Variants in ZFYVE26 observed in about 807,000 individuals in gnomAD.
ZFYVE26 encodes the protein zinc finger FYVE-type containing 26, also known as zinc finger FYVE domain-containing protein 26.
ZFYVE26 carries 181 observed loss-of-function variants against 276.5 expected under a neutral mutation model. The ratio of observed to expected loss-of-function variants is 0.65; its 90% CI spans 0.58 to 0.74. ZFYVE26 has a LOEUF of 0.74. Among genes scored for constraint, ZFYVE26 ranks in the 30% least tolerant of loss-of-function variants. ZFYVE26 has a pLI of 0.00. For missense variants in ZFYVE26, 2,821 were observed against 3,097.9 expected, an observed-to-expected ratio of 0.91 and a Z score of 2.12; for synonymous variants, 1,129 against 1,203.1, an observed-to-expected ratio of 0.94 and a Z score of 1.27.
At chr14:67,744,701 A>T (rs2038460636), downstream of ZFYVE26, among the ~76,000 whole-genome samples, 4 of 152,174 alleles carry the variant, frequency 2.6e-5, no homozygotes, top group South Asian at 8.3e-4. Context: ...GCTGAGAATG[A>T]TGGCTTCCAG....
intron 27 of ZFYVE26, among the ~76,000 whole-genome samples, chr14:67,774,523 T>C (rs1422286541): frequency 6.7e-6 from 1 of 149,790 alleles, no homozygotes; most frequent in African/African-American, 2.4e-5. Context: ...GACCAGAAGA[T>C]GGGGATGGTA....
In ZFYVE26 at chr14:67,785,806, T is replaced by C; in HGVS notation, c.3304+52A>G. 15 of 1,612,526 alleles carry C rather than the reference T, an allele frequency of 9.3e-6. No individual in the cohort carries two copies. In the South Asian group the frequency reaches 1.6e-4, roughly 18 times the overall value. On this transcript the variant is annotated intron_variant, in intron 18 of 41. Transcript: ENST00000347230. ...CAAAGTGCTTCGTTACTCTCAGCTG[T>C]TTCCTCTCCCCAGTTCAGCTTTTAT...
At chr14:67,781,930 A>C (rs1009861871) in intron 21 of ZFYVE26, among the ~76,000 whole-genome samples, 8 of 152,230 alleles carry the variant, frequency 5.3e-5, no homozygotes, top group African/African-American at 1.9e-4. Flanking sequence ...TGTGCCATAC[A>C]TAACCACTTG....
At chr14:67,782,647 G>C in intron 21 of ZFYVE26, 133 bp downstream of exon 21, 1 of 1,442,530 alleles carries the variant, frequency 6.9e-7, no homozygotes, top group Admixed American at 1.7e-5. Flanking sequence ...CTGAGACCTG[G>C]TCTCCTCTTA....
intron 6 of ZFYVE26, among the ~76,000 whole-genome samples, chr14:67,806,267 C>T (rs948911359): frequency 6.6e-6 from 1 of 152,240 alleles, no homozygotes; most frequent in Non-Finnish European, 1.5e-5. Context: ...ATTGTTGCCA[C>T]TGCCTTTTCT....
At chr14:67,799,352 A>G in intron 10 of ZFYVE26, 5 of 1,610,384 alleles carry the variant, frequency 3.1e-6, no homozygotes, top group Non-Finnish European at 4.2e-6. Context: ...GCAATCCTAT[A>G]AGGCCTTTGT....
At chr14:67,803,202 A>G (rs1267287085) in intron 9 of ZFYVE26, among the ~76,000 whole-genome samples, 1 of 152,166 alleles carries the variant, frequency 6.6e-6, no homozygotes, top group Non-Finnish European at 1.5e-5. Context: ...AAACAAACAA[A>G]TGAACAAAAA....
At position 67,767,825 on chromosome 14, in the gene ZFYVE26, T is replaced by TTGGAGCTGTC; in HGVS notation, c.5659_5668dup (p.Lys1890ArgfsTer6). 6.2e-7 allele frequency: 1 copy of TTGGAGCTGTC among 1,614,202 alleles called. No individual in the cohort carries two copies. Among genetic ancestry groups the TTGGAGCTGTC allele is most frequent in the Non-Finnish European group, 8.5e-7 (1 of 1,180,030 alleles). On this transcript the variant is annotated frameshift_variant, in exon 31 of 42. Transcript: ENST00000347230. LOFTEE classifies it high-confidence loss of function. ...AAACGAGTATGGAGGGCTTTCATTCTTGGAGCTGTCTAGAGCTGAGAAGAG... is the reference window on the plus strand; with the variant it reads ...AAACGAGTATGGAGGGCTTTCATTCTTGGAGCTGTCTGGAGCTGTCTAGAGCTGAGAAGAG...
At position 67,772,141 on chromosome 14, in the gene ZFYVE26, A is replaced by G. The variant is rs1232415144; in HGVS notation, c.5390T>C (p.Phe1797Ser). The change falls in exon 28 of 42, where the codon TTT becomes TCT. Residue 1797 changes from phenylalanine (F) to serine (S), a missense_variant. By Grantham distance (155) the Phe-to-Ser change is radical. Coordinates refer to ENST00000347230, the MANE Select transcript of ZFYVE26 (RefSeq NM_015346.4). ...GGCAGGGGGTGTCGCTGGGGGCACA[A>G]ATTCCTGTGAGGGCTGGGTTGGTGG... Reference protein sequence around the residue: ...SFPPTQPSQEFVPPATPPARH... With the variant: ...SFPPTQPSQESVPPATPPARH... 1.5e-5 allele frequency: 25 copies of G among 1,613,124 alleles called. No homozygotes were observed. The highest frequency in any genetic ancestry group is 1.9e-5 in the Non-Finnish European group (23 of 1,179,836).
intron 37 of ZFYVE26, 75 bp from the exon 38 acceptor site, chr14:67,754,287 G>A (rs1487697636): frequency 8.3e-6 from 13 of 1,573,414 alleles, no homozygotes; most frequent in African/African-American, 2.7e-5. Flanking sequence ...CTGAGAAGTC[G>A]AATAATATGG....
Position 67,767,784 on chromosome 14 carries a change from T to C in ZFYVE26, c.5710A>G (p.Lys1904Glu). The C allele has an allele frequency of 1.2e-6, 2 of 1,614,192 alleles. No homozygotes were observed. The highest frequency in any genetic ancestry group is 8.5e-7 in the Non-Finnish European group (1 of 1,180,048). The change falls in exon 31 of 42, where the codon AAA becomes GAA. Residue 1904 changes from lysine to glutamate, a missense_variant. Lys to Glu is a moderately conservative substitution (Grantham distance 56). Coordinates refer to ENST00000347230, the MANE Select transcript of ZFYVE26 (RefSeq NM_015346.4). ...PPYSFVVRVPKADEVEWILDL... is the reference protein window; with the variant it reads ...PPYSFVVRVPEADEVEWILDL... ...AAAATCCATTCCACCTCATCTGCTT[T>C]GGGGACTCTCACCACAAACGAGTAT...
intron 2 of ZFYVE26, among the ~76,000 whole-genome samples, chr14:67,815,359 A>G (rs2040379695): frequency 6.6e-6 from 1 of 152,214 alleles, no homozygotes; most frequent in Non-Finnish European, 1.5e-5. Context: ...TTATTTTTGC[A>G]GCTTCTTGTG....
At chr14:67,777,418 G>T (rs865898245) in intron 25 of ZFYVE26, 141 bp downstream of exon 25, 3 of 1,351,750 alleles carry the variant, frequency 2.2e-6, no homozygotes, top group East Asian at 4.8e-5. Flanking sequence ...CAGGTGCCTG[G>T]CAAAAGAGCC....
chr14:67,794,261 G>C (rs771322831), intron 12 of ZFYVE26, 22 bp from the exon 13 acceptor site: 2 of 1,611,656 alleles, frequency 1.2e-6, no homozygotes, highest in Non-Finnish European at 1.7e-6. Flanking sequence ...GGGAAGAAGA[G>C]AGAAAGTCAA....
rs950302468 is a variant in ZFYVE26 at position 67,747,472 on chromosome 14, G to A, written c.*964C>T. 3.3e-5 allele frequency: 5 copies of A among 152,314 alleles called. No individual in the cohort carries two copies. The highest frequency in any genetic ancestry group is 1.2e-4 in the African/African-American group (5 of 41,560). 9.4% of individuals were successfully genotyped at this position (152,314 alleles called of 1,614,324 possible). A position where few individuals can be genotyped will look rare whatever the true frequency, so the allele number is the denominator to read the frequency against. On this transcript the variant is annotated 3_prime_UTR_variant, in exon 42 of 42. Transcript: ENST00000347230. ...GGAAGCAGCTTCCTAACCAATTCAA[G>A]GAGCGCAAACAGGACTGCAGCTCAA...
At chr14:67,815,681 G>A in intron 2 of ZFYVE26, 89 bp downstream of exon 2, 1 of 1,294,324 alleles carries the variant, frequency 7.7e-7, no homozygotes, top group Non-Finnish European at 1.1e-6. Flanking sequence ...TCAGAGGGTA[G>A]TTGAGTGGGG....
chr14:67,767,881 G>A, intron 30 of ZFYVE26, 41 bp from the exon 31 acceptor site: 6 of 1,613,742 alleles, frequency 3.7e-6, no homozygotes, highest in African/African-American at 1.3e-5. Context: ...TCACTGGCTG[G>A]CAGTTCAGTC....
Position 67,785,120 on chromosome 14 carries a change from G to A in ZFYVE26, c.3462C>T (p.Thr1154=). The stretch of plus-strand genomic sequence containing the variant: ...CAAGGGTGCTGCAGTAACTGAAGAA[G>A]GTGCCCAAGTAGTCCATCTGCCTGC... ...SGSRQMDYLG[T]FFSYCSTLAA... The change falls in exon 19 of 42, where the codon ACC becomes ACT. Residue 1154 remains threonine (T), a synonymous_variant. Transcript: ENST00000347230. 6.2e-7 allele frequency: 1 copy of A among 1,614,220 alleles called. No individual in the cohort carries two copies. Among genetic ancestry groups the A allele is most frequent in the Non-Finnish European group, 8.5e-7 (1 of 1,180,040 alleles).
In ZFYVE26 at chr14:67,754,230, G is replaced by A. The variant is rs750711370; in HGVS notation, c.6987-18C>T. The A allele has an allele frequency of 5.6e-6, 9 of 1,613,978 alleles. No individual in the cohort carries two copies. The East Asian group carries it at 1.8e-4, about 32-fold the overall frequency. On this transcript the variant is annotated intron_variant, in intron 37 of 41. Coordinates refer to ENST00000347230, the MANE Select transcript of ZFYVE26 (RefSeq NM_015346.4). ...TCATGTGCCTGTGGTGACAGAATAT[G>A]CACAGTCCAGCCTCATGAGGGGCCC...
Sources: allele counts gnomAD v4.1 joint callset (sites outside exome capture counted in the v4.1 genomes callset), GRCh38; gene constraint gnomAD v4.1.1; transcripts MANE v1.5; gene names NCBI Gene and HGNC (gene_info 2026-07-23, HGNC 2026-07-21).